RUFY4: variants seen among roughly 807,000 people sequenced by gnomAD.
RUFY4 encodes the protein RUN and FYVE domain containing 4.
RUFY4 carries 73 observed loss-of-function variants against 69.0 expected under a neutral mutation model. The ratio of observed to expected loss-of-function variants is 1.06; its 90% CI spans 0.88 to 1.29. The LOEUF is 1.29. Among genes scored for constraint, RUFY4 ranks in the 50% most tolerant of loss-of-function variants. The pLI, the probability that RUFY4 is intolerant of heterozygous loss-of-function variation, is 0.00. For synonymous variants in RUFY4, 287 were observed against 271.8 expected, an observed-to-expected ratio of 1.06 and a Z score of -0.55; for missense variants, 770 against 705.6, an observed-to-expected ratio of 1.09 and a Z score of -1.03.
At chr2:218,067,700 A>G (rs1689375876), upstream of RUFY4, among the ~76,000 whole-genome samples, 1 of 151,804 alleles carries the variant, frequency 6.6e-6, no homozygotes, top group African/African-American at 2.4e-5. Flanking sequence ...ACTCATCCCC[A>G]TCCCTGTCCC....
exon 11 of RUFY4, chr2:218,090,041 C>G (rs1689996428): frequency 6.5e-7 from 1 of 1,546,000 alleles, no homozygotes; most frequent in Non-Finnish European, 8.7e-7. Context: ...GGAAGAGAAG[C>G]CCAGGTCACC....
At chr2:218,043,868 A>G (rs1316057197) in intron 2 of RUFY4, among the ~76,000 whole-genome samples, 5 of 152,204 alleles carry the variant, frequency 3.3e-5, no homozygotes, top group Non-Finnish European at 7.4e-5. Flanking sequence ...GCCAGTGCTG[A>G]TCTGCCCTCA....
chr2:218,053,159 T>C (rs1688983610), intron 2 of RUFY4, among the ~76,000 whole-genome samples: 1 of 152,086 alleles, frequency 6.6e-6, no homozygotes, highest in African/African-American at 2.4e-5. Context: ...TTTAAGCCTT[T>C]TAACATCTTT....
In RUFY4 at chr2:218,089,246, C is replaced by G. The variant is rs1161111943; in HGVS notation, c.1503-6C>G. 1.2e-6 allele frequency: 2 copies of G among 1,608,264 alleles called. No individual in the cohort carries two copies. The highest frequency in any genetic ancestry group is 2.7e-5 in the African/African-American group (2 of 74,762). ...CTGTGTCTCTCCACCTTCATCCCCC[C>G]ATCAGAGAGAAGGACCGCCTGTGGC... On this transcript the variant is annotated splice_region_variant and splice_polypyrimidine_tract_variant and intron_variant, in intron 9 of 10. Transcript: ENST00000344321.
chr2:218,039,089 C>T (rs192556175), intron 2 of RUFY4, among the ~76,000 whole-genome samples: 13 of 152,240 alleles, frequency 8.5e-5, no homozygotes, highest in African/African-American at 2.6e-4. Context: ...AAACCAACAT[C>T]GGTAAAAGCA....
chr2:218,057,871 T>C (rs760669394), intron 2 of RUFY4, among the ~76,000 whole-genome samples: 3 of 152,228 alleles, frequency 2.0e-5, no homozygotes, highest in Non-Finnish European at 2.9e-5. Context: ...TATTCCATGG[T>C]GTGGCTGCAA....
upstream of RUFY4, chr2:218,069,598 C>T (rs1689432874): frequency 6.6e-6 from 1 of 152,148 alleles, no homozygotes; most frequent in South Asian, 2.1e-4. Flanking sequence ...AGTTCATAGC[C>T]AGGCCAGGAT....
Position 218,052,732 on chromosome 2 carries a change from CTT to C in RUFY4, c.-1157-5851_-1157-5850del, listed in dbSNP as rs879671923. Among the ~76,000 whole-genome samples the C allele has an allele frequency of 3.0e-4, 40 of 134,706 alleles. 1 individual carries two copies. The highest frequency in any genetic ancestry group is 1.2e-4 in the African/African-American group (4 of 32,270). The allele number at this position is 134,706 out of a possible 152,430, so 88.4% of individuals were successfully genotyped here. A position where few individuals can be genotyped will look rare whatever the true frequency, so the allele number is the denominator to read the frequency against. On this transcript the variant is annotated intron_variant and NMD_transcript_variant, in intron 2 of 13. Transcript: ENST00000457754. The stretch of plus-strand genomic sequence containing the variant: ...GCATCATAGCAAGACCTCTATCTCA[CTT>C]TTTTTTTTTTTAAAAAAAAAAGATA...
At chr2:218,074,415 C>T (rs758769054) in intron 6 of RUFY4, among the ~76,000 whole-genome samples, 8 of 152,172 alleles carry the variant, frequency 5.3e-5, no homozygotes, top group African/African-American at 1.4e-4. Context: ...CCTGGCTACA[C>T]GCTCCCCGCA....
chr2:218,088,112 CA>C lies in RUFY4; in HGVS notation c.1503-1139del, dbSNP rs534926851. On this transcript the variant is annotated intron_variant, in intron 9 of 10. Coordinates refer to ENST00000344321, the Ensembl canonical transcript of RUFY4. Reference sequence around the variant, plus strand: ...GAGAGGGGAGGCCTTTTGATATGAGCACTTTTGTACGATTTTATTTTTAAAT... The same window carrying C: ...GAGAGGGGAGGCCTTTTGATATGAGCCTTTTGTACGATTTTATTTTTAAAT... 7.9e-5 allele frequency among the ~76,000 whole-genome samples: 12 copies of C among 152,194 alleles called. No individual in the cohort carries two copies. The South Asian group carries it at 2.5e-3, about 32-fold the overall frequency.
chr2:218,073,316 C>T, exon 5 of RUFY4: 1 of 1,569,526 alleles, frequency 6.4e-7, no homozygotes. Flanking sequence ...TCTCTATGCT[C>T]TCAATGGGGT....
At chr2:218,045,306 A>G (rs79047693) in intron 2 of RUFY4, among the ~76,000 whole-genome samples, 2,961 of 152,292 alleles carry the variant, frequency 0.019, 101 homozygotes, top group African/African-American at 0.068. Context: ...TTGCCCATTT[A>G]TGTCCTATTA....
intron 2 of RUFY4, among the ~76,000 whole-genome samples, chr2:218,037,629 G>C (rs1958999232): frequency 6.6e-6 from 1 of 152,192 alleles, no homozygotes; most frequent in Non-Finnish European, 1.5e-5. Context: ...AGGCTAGAAA[G>C]CCAAACCAAG....
upstream of RUFY4, among the ~76,000 whole-genome samples, chr2:218,066,989 C>G (rs1048925045): frequency 1.3e-5 from 2 of 152,268 alleles, no homozygotes; most frequent in Non-Finnish European, 2.9e-5. Context: ...ATTTTGTACA[C>G]TTTTCTGTAT....
intron 2 of RUFY4, among the ~76,000 whole-genome samples, chr2:218,040,669 G>C (rs1959048932): frequency 6.6e-6 from 1 of 152,066 alleles, no homozygotes; most frequent in Non-Finnish European, 1.5e-5. Context: ...GGAAGAGGCT[G>C]ACAGTTTTCC....
intron 2 of RUFY4, among the ~76,000 whole-genome samples, chr2:218,050,374 G>T (rs1574495447): frequency 6.6e-6 from 1 of 152,338 alleles, no homozygotes; most frequent in East Asian, 1.9e-4. Context: ...TGATGCTCCT[G>T]GCTGGCTTGA....
chr2:218,052,674 T>C (rs934357312), intron 2 of RUFY4, among the ~76,000 whole-genome samples: 7 of 151,666 alleles, frequency 4.6e-5, no homozygotes, highest in African/African-American at 1.7e-4. Context: ...GACAGGAGAG[T>C]TGCTTGAGTC....
At chr2:218,060,556 C>T (rs752374078) in intron 3 of RUFY4, 95 of 1,305,998 alleles carry the variant, frequency 7.3e-5, no homozygotes, top group South Asian at 2.7e-4. Flanking sequence ...GATGTCGTTG[C>T]GGCGCTCACA....
chr2:218,074,406 C>T (rs1264831837), intron 6 of RUFY4, among the ~76,000 whole-genome samples: 1 of 152,116 alleles, frequency 6.6e-6, no homozygotes, highest in African/African-American at 2.4e-5. Flanking sequence ...CACAGGGCTC[C>T]TGGCTACACG....
Sources: allele counts gnomAD v4.1 joint callset (sites outside exome capture counted in the v4.1 genomes callset), GRCh38; gene constraint gnomAD v4.1.1; transcripts MANE v1.5; gene names NCBI Gene and HGNC (gene_info 2026-07-23, HGNC 2026-07-21).